MKRN2: variants seen among roughly 807,000 people sequenced by gnomAD.
MKRN2 encodes the protein E3 ubiquitin-protein ligase makorin-2.
In MKRN2, 32 loss-of-function variants were observed where a neutral mutation model predicts 45.4. That is an observed-to-expected ratio of 0.70 (90% CI 0.53 to 0.95). MKRN2 has a LOEUF of 0.95. Among genes scored for constraint, MKRN2 ranks in the 40% least tolerant of loss-of-function variants. MKRN2 has a pLI of 0.00. For missense variants in MKRN2, 526 were observed against 536.7 expected (o/e 0.98, Z 0.20); for synonymous variants, 206 against 192.4 (o/e 1.07, Z -0.59).
At chr3:12,574,032 C>T (rs2058116108) in intron 4 of MKRN2, among the ~76,000 whole-genome samples, 1 of 152,154 alleles carries the variant, frequency 6.6e-6, no homozygotes, top group South Asian at 2.1e-4. Context: ...AGCCACTGCA[C>T]CTGGCCTAAG....
Position 12,572,279 on chromosome 3 carries a change from A to T in MKRN2, c.548A>T (p.Asp183Val), listed in dbSNP as rs1389261039. The T allele has an allele frequency of 6.2e-7, 1 of 1,613,950 alleles. No individual in the cohort carries two copies. Among genetic ancestry groups the T allele is most frequent in the East Asian group, 2.2e-5 (1 of 44,868 alleles). Residue 183 changes from aspartate to valine, a missense_variant, in exon 4 of 8, where the codon GAT (aspartate) becomes GTT (valine). Coordinates refer to ENST00000170447, the MANE Select transcript of MKRN2 (RefSeq NM_014160.5). ...GCTGCTGGGGAGTGCCGGTTTGGGGATGCCTGTGTCTACCTGCACGGGGAG... is the reference window on the plus strand; with the variant it reads ...GCTGCTGGGGAGTGCCGGTTTGGGGTTGCCTGTGTCTACCTGCACGGGGAG... ...YAAAGECRFG[D>V]ACVYLHGEVC...
At chr3:12,580,453 C>T (rs971012204) in intron 6 of MKRN2, among the ~76,000 whole-genome samples, 3 of 150,174 alleles carry the variant, frequency 2.0e-5, no homozygotes, top group East Asian at 2.0e-4. Flanking sequence ...ACCCTACCCC[C>T]CCGCCACCAC....
chr3:12,578,312 C>CTTTTTTTTTT (rs71063833), intron 6 of MKRN2, among the ~76,000 whole-genome samples: 2 of 71,716 alleles, frequency 2.8e-5, no homozygotes, highest in African/African-American at 5.7e-5. Flanking sequence ...AGAGCTACTT[C>CTTTTTTTTTT]TTTTTTTTTT....
In MKRN2 at chr3:12,578,475, G is replaced by A. The variant is rs148225411; in HGVS notation, c.968+1734G>A. Among the ~76,000 whole-genome samples the A allele has an allele frequency of 2.2e-3, 337 of 151,980 alleles. 2 individuals carry two copies. Among genetic ancestry groups the A allele is most frequent in the Non-Finnish European group, 3.6e-3 (244 of 67,936 alleles). ...TGGGACTACAGGCGCATGCCGCCACGCCTGGCTAATTTTTGTATTTTAGTA... is the reference window on the plus strand; with the variant it reads ...TGGGACTACAGGCGCATGCCGCCACACCTGGCTAATTTTTGTATTTTAGTA... On this transcript the variant is annotated intron_variant, in intron 6 of 7. Coordinates refer to ENST00000170447, the MANE Select transcript of MKRN2 (RefSeq NM_014160.5).
chr3:12,581,714 G>A (rs1315421455), intron 6 of MKRN2, 94 bp from the exon 7 acceptor site: 1 of 1,403,244 alleles, frequency 7.1e-7, no homozygotes, highest in Non-Finnish European at 9.8e-7. Context: ...ACCTACCTCT[G>A]GCGTAAGGGT....
rs773294936 is a variant in MKRN2, at chr3:12,572,265, G to A, written c.534G>A (p.Glu178=). The A allele has an allele frequency of 6.2e-7, 1 of 1,614,116 alleles. No individual in the cohort carries two copies. The highest frequency in any genetic ancestry group is 1.1e-5 in the South Asian group (1 of 91,082). The change falls in exon 4 of 8, where the codon GAG becomes GAA. Residue 178 remains glutamate (E), a synonymous_variant. Transcript: ENST00000170447. ...TGTGCCCCTACGCAGCTGCTGGGGA[G>A]TGCCGGTTTGGGGATGCCTGTGTCT... The part of the protein sequence containing the change: ...QQLCPYAAAG[E]CRFGDACVYL...
chr3:12,570,584 G>A (rs531439892), intron 3 of MKRN2, among the ~76,000 whole-genome samples: 2 of 152,144 alleles, frequency 1.3e-5, no homozygotes, highest in African/African-American at 4.8e-5. Context: ...CATTTCAAAC[G>A]TAAATATTTT....
At chr3:12,565,463 T>G (rs368794778) in intron 1 of MKRN2, among the ~76,000 whole-genome samples, 2 of 152,186 alleles carry the variant, frequency 1.3e-5, no homozygotes, top group South Asian at 4.1e-4. Context: ...ATATTTAAGT[T>G]TTTTCCAAGT....
chr3:12,564,230 G>C (rs990536860), intron 1 of MKRN2, among the ~76,000 whole-genome samples: 1 of 152,204 alleles, frequency 6.6e-6, no homozygotes, highest in African/African-American at 2.4e-5. Flanking sequence ...ACAGGCGTGA[G>C]CCACTGGGCC....
At position 12,557,173 on chromosome 3, in the gene MKRN2, G is replaced by T; in HGVS notation, c.23G>T (p.Cys8Phe). Residue 8 changes from cysteine to phenylalanine, a missense_variant, in exon 1 of 8, where the codon TGC becomes TTC. Transcript: ENST00000170447. MSTKQIT[C>F]RYFMHGVCRE... ...ACCATGAGCACCAAGCAGATCACTT[G>T]CAGGTCAGTGCGCTGGAGCCAGGAG... The T allele has an allele frequency of 1.3e-6, 2 of 1,536,782 alleles. No individual in the cohort carries two copies.
chr3:12,574,154 G>A lies in MKRN2; in HGVS notation c.643-638G>A, dbSNP rs192727323. ...CCATTGTCTTCCAGGGAAGCAGAGG[G>A]TTAGAGCTGTCTTCTTTATGCAAGT... On this transcript the variant is annotated intron_variant, in intron 4 of 7. Transcript: ENST00000170447. 4.0e-4 allele frequency among the ~76,000 whole-genome samples: 61 copies of A among 152,318 alleles called. 1 individual carries two copies. Among genetic ancestry groups the A allele is most frequent in the African/African-American group, 1.4e-3 (60 of 41,564 alleles).
rs1678005421 is a variant in MKRN2, at chr3:12,580,113, C to T, written c.969-1695C>T. On this transcript the variant is annotated intron_variant, in intron 6 of 7. Transcript: ENST00000170447. ...GAATGAACACAGTTGGGTGTGAGAG[C>T]CGAGGACACAGAGTGAGTCAGAGTG... 2.0e-5 allele frequency among the ~76,000 whole-genome samples: 3 copies of T among 152,010 alleles called. No individual in the cohort carries two copies. The South Asian group carries it at 6.2e-4, about 31-fold the overall frequency.
intron 6 of MKRN2, among the ~76,000 whole-genome samples, chr3:12,581,165 G>T (rs540600323): frequency 2.0e-5 from 3 of 152,276 alleles, no homozygotes; most frequent in African/African-American, 4.8e-5. Flanking sequence ...AAAACATTTT[G>T]AACTGTTTGG....
chr3:12,568,285 CAAAACAA>C (rs987152106), intron 1 of MKRN2, among the ~76,000 whole-genome samples: 7 of 152,140 alleles, frequency 4.6e-5, no homozygotes, highest in East Asian at 1.9e-4. Context: ...GACTCCATCT[CAAAACAA>C]AAAACAAAAA....
chr3:12,576,918 C>A (rs2058141415), intron 6 of MKRN2, 177 bp downstream of exon 6: 3 of 220,240 alleles, frequency 1.4e-5, no homozygotes, highest in South Asian at 8.2e-5. Context: ...TGATGTGGAC[C>A]TGTTTAGTTT....
Position 12,572,123 on chromosome 3 carries a change from G to T in MKRN2, c.392G>T (p.Gly131Val). ...CAGCCGAGCATGGTGAGTAATCCAGGCAGCTGCAGCGACCCCCAGCCCAGC... is the reference window on the plus strand; with the variant it reads ...CAGCCGAGCATGGTGAGTAATCCAGTCAGCTGCAGCGACCCCCAGCCCAGC... ...KTQPSMVSNP[G>V]SCSDPQPSPE... is the part of the protein sequence containing the mutation. Residue 131 changes from glycine to valine, a missense_variant, in exon 4 of 8, where the codon GGC becomes GTC. By Grantham distance (109) the Gly-to-Val change is moderately radical. Transcript: ENST00000170447. 1 of 1,613,906 alleles carries T rather than the reference G, an allele frequency of 6.2e-7. No homozygotes were observed. The highest frequency in any genetic ancestry group is 8.5e-7 in the Non-Finnish European group (1 of 1,179,914).
intron 5 of MKRN2, among the ~76,000 whole-genome samples, chr3:12,575,359 C>T (rs1271085876): frequency 6.6e-6 from 1 of 152,088 alleles, no homozygotes; most frequent in Non-Finnish European, 1.5e-5. Context: ...TTTTGAGCTT[C>T]GTTTTTTCCC....
rs2058083370 is a variant in MKRN2, at chr3:12,568,930, T to C, written c.82T>C (p.Leu28=). 5 of 1,614,034 alleles carry C rather than the reference T, an allele frequency of 3.1e-6. No homozygotes were observed. In the African/African-American group the frequency reaches 4.0e-5, roughly 13 times the overall value. Residue 28 remains leucine, a synonymous_variant, in exon 2 of 8, where the codon TTG becomes CTG. Coordinates refer to ENST00000170447, the MANE Select transcript of MKRN2 (RefSeq NM_014160.5). ...AAGTCAGTGCCTATTCTCACATGACTTGGCAAACAGCAAACCGTCCACCAT... is the reference window on the plus strand; with the variant it reads ...AAGTCAGTGCCTATTCTCACATGACCTGGCAAACAGCAAACCGTCCACCAT... ...EGSQCLFSHD[L]ANSKPSTICK... is the part of the protein sequence containing the mutation.
chr3:12,576,189 A>ATGTGTGTGTGTG (rs59197804), intron 5 of MKRN2, among the ~76,000 whole-genome samples: 165 of 143,312 alleles, frequency 1.2e-3, no homozygotes, highest in East Asian at 5.1e-3. Context: ...GAAACCATAT[A>ATGTGTGTGTGTG]TGTGTGTGTG....
Sources: allele counts gnomAD v4.1 joint callset (sites outside exome capture counted in the v4.1 genomes callset), GRCh38; gene constraint gnomAD v4.1.1; transcripts MANE v1.5; gene names NCBI Gene and HGNC (gene_info 2026-07-23, HGNC 2026-07-21).